The following TULP4 variants were observed in gnomAD, a reference collection of about 807,000 sequenced individuals.
The protein encoded by TULP4 is tubby-related protein 4.
TULP4 carries 16 observed loss-of-function variants against 129.0 expected under a neutral mutation model. The ratio of observed to expected loss-of-function variants is 0.12; its 90% CI spans 0.08 to 0.19. The LOEUF is 0.19. Among genes scored for constraint, TULP4 ranks in the 10% least tolerant of loss-of-function variants. The pLI, the probability that TULP4 is intolerant of heterozygous loss-of-function variation, is 1.00. For synonymous variants in TULP4, 998 were observed against 854.0 expected (o/e 1.17, Z -2.94); for missense variants, 1,842 against 2,059.1 (o/e 0.89, Z 2.04).
intron 1 of TULP4, among the ~76,000 whole-genome samples, chr6:158,275,365 C>CA (rs1419009740): frequency 1.3e-5 from 2 of 152,170 alleles, no homozygotes; most frequent in African/African-American, 2.4e-5. Flanking sequence ...CAGGGACATA[C>CA]AGGGAGAGAA....
chr6:158,243,612 T>G (rs887277589), intron 1 of TULP4, among the ~76,000 whole-genome samples: 13 of 152,300 alleles, frequency 8.5e-5, no homozygotes, highest in African/African-American at 1.2e-4. Flanking sequence ...ATCCTTGTAA[T>G]GTAAAATATG....
upstream of TULP4, among the ~76,000 whole-genome samples, chr6:158,309,292 G>A (rs1375140560): frequency 7.0e-6 from 1 of 143,804 alleles, no homozygotes; most frequent in Admixed American, 6.9e-5. Flanking sequence ...CATCCCAGAC[G>A]GGGCGGCGGG....
intron 1 of TULP4, chr6:158,237,826 T>C: frequency 1.3e-6 from 1 of 764,484 alleles, no homozygotes; most frequent in South Asian, 1.3e-5. Context: ...TGATGGCAAA[T>C]GTTTACTAAG....
intron 1 of TULP4, among the ~76,000 whole-genome samples, chr6:158,256,637 A>G (rs1319969521): frequency 6.6e-6 from 1 of 152,254 alleles, no homozygotes; most frequent in East Asian, 1.9e-4. Flanking sequence ...TCACTCTTAT[A>G]CATATGGATA....
At chr6:158,446,572 G>A (rs1779047660) in intron 3 of TULP4, among the ~76,000 whole-genome samples, 1 of 152,180 alleles carries the variant, frequency 6.6e-6, no homozygotes, top group Non-Finnish European at 1.5e-5. Flanking sequence ...AAATACTCCT[G>A]TGTGTTGTAC....
chr6:158,303,896 G>A (rs964516292), intron 1 of TULP4, among the ~76,000 whole-genome samples: 12 of 152,090 alleles, frequency 7.9e-5, no homozygotes, highest in African/African-American at 2.2e-4. Flanking sequence ...AGTCTCTAAC[G>A]TTAATTCAAA....
At chr6:158,460,140 C>T (rs1779392465) in intron 5 of TULP4, among the ~76,000 whole-genome samples, 1 of 152,190 alleles carries the variant, frequency 6.6e-6, no homozygotes. Context: ...CCCGTGTTCC[C>T]TGGGTCTGGA....
At chr6:158,420,544 C>A (rs1390806103) in intron 2 of TULP4, among the ~76,000 whole-genome samples, 4 of 152,176 alleles carry the variant, frequency 2.6e-5, no homozygotes, top group African/African-American at 9.7e-5. Context: ...TGCAATGGCG[C>A]CATCTCGGCT....
chr6:158,250,800 G>A (rs1327687646), intron 1 of TULP4, among the ~76,000 whole-genome samples: 1 of 152,132 alleles, frequency 6.6e-6, no homozygotes, highest in Non-Finnish European at 1.5e-5. Flanking sequence ...TTTACTAATA[G>A]GGAATTGATC....
intron 1 of TULP4, among the ~76,000 whole-genome samples, chr6:158,240,311 A>G (rs1198277149): frequency 1.2e-4 from 7 of 56,322 alleles, no homozygotes; most frequent in East Asian, 6.7e-4. Context: ...GGCGCCCCTC[A>G]CCTCCCGGAC....
chr6:158,365,417 G>C (rs1258285578), intron 1 of TULP4, among the ~76,000 whole-genome samples: 1 of 143,986 alleles, frequency 6.9e-6, no homozygotes, highest in East Asian at 2.0e-4. Context: ...TTTTTTTCTG[G>C]TTATTTTTCT....
At chr6:158,294,066 T>C (rs575857039) in intron 1 of TULP4, among the ~76,000 whole-genome samples, 116 of 152,248 alleles carry the variant, frequency 7.6e-4, no homozygotes, top group African/African-American at 2.6e-3. Flanking sequence ...TGATTCTAAT[T>C]AGAAGCAGGT....
intron 1 of TULP4, among the ~76,000 whole-genome samples, chr6:158,349,399 GGGGT>G (rs1780426864): frequency 6.8e-6 from 1 of 146,292 alleles, no homozygotes; most frequent in Non-Finnish European, 1.5e-5. Flanking sequence ...CTTCCCAGAT[GGGGT>G]GGCAGCCGGG....
At chr6:158,505,404 C>T (rs910418090) in intron 13 of TULP4, among the ~76,000 whole-genome samples, 2 of 152,278 alleles carry the variant, frequency 1.3e-5, no homozygotes, top group African/African-American at 4.8e-5. Flanking sequence ...TATTGGAGCA[C>T]AGCCACGCTC....
At chr6:158,263,803 C>T (rs1778395410) in intron 1 of TULP4, among the ~76,000 whole-genome samples, 1 of 151,910 alleles carries the variant, frequency 6.6e-6, no homozygotes, top group South Asian at 2.1e-4. Context: ...TGGCTCATGC[C>T]TGTAATCACA....
At position 158,461,738 on chromosome 6, in the gene TULP4, G is replaced by A. The variant is rs1779432844; in HGVS notation, c.1026+9G>A. ...TGGACACTCTCGTGCAGGTAAGGAT[G>A]TTCTCTGGAAACAAGTACATTTTCA... On this transcript the variant is annotated intron_variant, in intron 6 of 13. Transcript: ENST00000367097. 6.2e-7 allele frequency: 1 copy of A among 1,611,428 alleles called. No individual in the cohort carries two copies.
In TULP4 at chr6:158,481,229, C is replaced by T. The variant is rs1478225601; in HGVS notation, c.1426C>T (p.Arg476Cys). The T allele has an allele frequency of 2.5e-6, 4 of 1,614,104 alleles. No individual in the cohort carries two copies. The highest frequency in any genetic ancestry group is 2.2e-5 in the East Asian group (1 of 44,896). The change falls in exon 8 of 14, where the codon CGC becomes TGC. Residue 476 changes from arginine (R) to cysteine (C), a missense_variant. Transcript: ENST00000367097. ...GGLVPILKGRRISKLRPEFVI... is the reference protein window; with the variant it reads ...GGLVPILKGRCISKLRPEFVI... ...GCTTGTGCCCATCCTCAAAGGGCGG[C>T]GCATCAGCAAGCTGCGGCCAGAGTT...
chr6:158,386,924 A>T (rs1407231692), intron 1 of TULP4, among the ~76,000 whole-genome samples: 1 of 152,244 alleles, frequency 6.6e-6, no homozygotes, highest in African/African-American at 2.4e-5. Flanking sequence ...AAATTGTCAG[A>T]GAATTAGTAT....
chr6:158,369,786 G>A (rs549556848), intron 1 of TULP4, among the ~76,000 whole-genome samples: 3 of 152,216 alleles, frequency 2.0e-5, no homozygotes, highest in African/African-American at 7.2e-5. Flanking sequence ...GTTGCCTCTG[G>A]GAAGAGAACT....
Sources: allele counts gnomAD v4.1 joint callset (sites outside exome capture counted in the v4.1 genomes callset), GRCh38; gene constraint gnomAD v4.1.1; transcripts MANE v1.5; gene names NCBI Gene and HGNC (gene_info 2026-07-23, HGNC 2026-07-21).